PHLDB2: variants seen among roughly 807,000 people sequenced by gnomAD.
PHLDB2 encodes the protein pleckstrin homology like domain family B member 2, also known as pleckstrin homology-like domain family B member 2.
PHLDB2 carries 71 observed loss-of-function variants against 123.6 expected under a neutral mutation model. The ratio of observed to expected loss-of-function variants is 0.57; its 90% CI spans 0.47 to 0.70. The LOEUF (loss-of-function observed/expected upper bound fraction) is 0.70, where lower values mean the gene tolerates loss of function less well. PHLDB2 is among the 30% of genes least tolerant of loss of function. PHLDB2 has a pLI of 0.00. For missense variants in PHLDB2, 1,446 were observed against 1,519.5 expected (o/e 0.95, Z 0.80); for synonymous variants, 547 against 541.6 (o/e 1.01, Z -0.14).
rs576103935 is a variant in PHLDB2 at position 111,742,833 on chromosome 3, A to T, written c.-49+10130A>T. On this transcript the variant is annotated intron_variant, in intron 1 of 17. Coordinates refer to the PHLDB2 transcript ENST00000393923. Reference sequence around the variant, plus strand: ...AATATTTTCCATTGTTCTAACATAGATCCAATAAGAAGACATTTATAGAGT... The same window carrying T: ...AATATTTTCCATTGTTCTAACATAGTTCCAATAAGAAGACATTTATAGAGT... Among the ~76,000 whole-genome samples the T allele has an allele frequency of 2.9e-4, 44 of 152,274 alleles. No homozygotes were observed. In the East Asian group the frequency reaches 8.3e-3, roughly 29 times the overall value.
At chr3:111,779,095 G>A (rs1254980219) in intron 1 of PHLDB2, among the ~76,000 whole-genome samples, 1 of 151,996 alleles carries the variant, frequency 6.6e-6, no homozygotes, top group Non-Finnish European at 1.5e-5. Flanking sequence ...GACTCGGTAG[G>A]TCTGGAGAAA....
chr3:111,920,377 A>C lies in PHLDB2; in HGVS notation c.1959A>C (p.Lys653Asn), dbSNP rs2068428204. 4.3e-6 allele frequency: 7 copies of C among 1,613,888 alleles called. No homozygotes were observed. Among genetic ancestry groups the C allele is most frequent in the African/African-American group, 1.3e-5 (1 of 74,934 alleles). Residue 653 changes from lysine to asparagine, a missense_variant, in exon 5 of 18, where the codon AAA becomes AAC. Lys to Asn is a moderately conservative substitution (Grantham distance 94). Transcript: ENST00000431670. ...AGATTTTGGATCATCTAAACCGGAA[A>C]ATAGCTGAACTGGAAAAGAACATTG... The part of the protein sequence containing the change: ...EKEILDHLNR[K>N]IAELEKNIVG...
At chr3:111,872,535 C>T (rs1334613773) in intron 1 of PHLDB2, among the ~76,000 whole-genome samples, 1 of 152,192 alleles carries the variant, frequency 6.6e-6, no homozygotes, top group South Asian at 2.1e-4. Context: ...TGTGCAATCA[C>T]GTCCCTCCTG....
intron 13 of PHLDB2, among the ~76,000 whole-genome samples, chr3:111,963,773 A>C (rs2071572516): frequency 6.6e-6 from 1 of 152,238 alleles, no homozygotes; most frequent in African/African-American, 2.4e-5. Context: ...TTAGTACATA[A>C]GTTAAAAACA....
chr3:111,914,618 C>T (rs181015888), intron 3 of PHLDB2: 18 of 152,094 alleles, frequency 1.2e-4, no homozygotes, highest in Non-Finnish European at 2.4e-4. Flanking sequence ...ATGTTCTTCA[C>T]CCATTTTTTT....
chr3:111,751,426 A>T (rs1444100934), intron 1 of PHLDB2, among the ~76,000 whole-genome samples: 5 of 152,354 alleles, frequency 3.3e-5, no homozygotes, highest in Non-Finnish European at 5.9e-5. Context: ...TACTCATTTT[A>T]TAAAACCTCT....
At chr3:111,824,755 A>T (rs1319865188) in intron 1 of PHLDB2, among the ~76,000 whole-genome samples, 2 of 152,240 alleles carry the variant, frequency 1.3e-5, no homozygotes, top group Non-Finnish European at 2.9e-5. Flanking sequence ...GGTTTTCAAC[A>T]TGGCTTAAGC....
chr3:111,965,641 T>G (rs1226130703), intron 13 of PHLDB2, among the ~76,000 whole-genome samples: 1 of 152,190 alleles, frequency 6.6e-6, no homozygotes, highest in Non-Finnish European at 1.5e-5. Flanking sequence ...AGTCTGTCTG[T>G]ATGTCCTCAA....
upstream of PHLDB2, among the ~76,000 whole-genome samples, chr3:111,854,670 A>G (rs1346257352): frequency 6.6e-6 from 1 of 152,262 alleles, no homozygotes; most frequent in Non-Finnish European, 1.5e-5. Context: ...AATAATTCAT[A>G]ATATCACTGT....
chr3:111,885,299 GC>G lies in PHLDB2; in HGVS notation c.1225del (p.Leu409PhefsTer17). Reference protein sequence around the residue: ...LRQASGTPQPALRERKSSISS... With the variant: ...LRQASGTPQPXLRERKSSISS... ...ACAGGCCTCAGGAACCCCCCAGCCT[GC>G]CCTTCGGGAACGGAAAAGCAGTATT... is the stretch of plus-strand genomic sequence containing the variant. On this transcript the variant is annotated frameshift_variant, in exon 2 of 18. Transcript: ENST00000431670. LOFTEE classifies it high-confidence loss of function. 6.2e-7 allele frequency: 1 copy of G among 1,614,184 alleles called. No individual in the cohort carries two copies. Among genetic ancestry groups the G allele is most frequent in the Non-Finnish European group, 8.5e-7 (1 of 1,180,034 alleles).
At chr3:111,780,275 AAG>A (rs1559826962) in intron 1 of PHLDB2, among the ~76,000 whole-genome samples, 68 of 3,124 alleles carry the variant, frequency 0.022, 9 homozygotes, top group African/African-American at 0.036. Flanking sequence ...AGAAGAAAAG[AAG>A]AAGAAGAAGA....
At chr3:111,974,305 A>G in intron 17 of PHLDB2, 118 bp from the exon 18 acceptor site, 1 of 990,514 alleles carries the variant, frequency 1.0e-6, no homozygotes, top group South Asian at 2.0e-5. Flanking sequence ...GAGCAAAAGT[A>G]ACGCCTTTGT....
chr3:111,735,818 C>T (rs779559978), intron 1 of PHLDB2, among the ~76,000 whole-genome samples: 1 of 152,106 alleles, frequency 6.6e-6, no homozygotes, highest in Non-Finnish European at 1.5e-5. Flanking sequence ...ATTTTCATAA[C>T]AAACCTCTGC....
rs1317632345 is a variant in PHLDB2, at chr3:111,921,845, G to A, written c.2001+1426G>A. Among the ~76,000 whole-genome samples, 13 of 152,230 alleles carry A rather than the reference G, an allele frequency of 8.5e-5. No homozygotes were observed. The East Asian group carries it at 1.5e-3, about 18-fold the overall frequency. On this transcript the variant is annotated intron_variant, in intron 5 of 17. Transcript: ENST00000431670. ...TCTCGATCTCCTGACCTCGTGATCC[G>A]CCCACCTCAGCCTCCCAAAGTGCTG...
chr3:111,824,839 T>C (rs557759540), intron 1 of PHLDB2, among the ~76,000 whole-genome samples: 1 of 152,318 alleles, frequency 6.6e-6, no homozygotes, highest in South Asian at 2.1e-4. Context: ...GTATGTACTC[T>C]GTGGAAAAGC....
At chr3:111,764,277 C>T (rs2060041908) in intron 1 of PHLDB2, among the ~76,000 whole-genome samples, 1 of 152,196 alleles carries the variant, frequency 6.6e-6, no homozygotes, top group Admixed American at 6.5e-5. Context: ...GTCACATGAA[C>T]AAAGAAATCC....
At chr3:111,758,381 A>G (rs1269300870) in intron 1 of PHLDB2, among the ~76,000 whole-genome samples, 1 of 151,916 alleles carries the variant, frequency 6.6e-6, no homozygotes, top group Non-Finnish European at 1.5e-5. Context: ...AATCAGCAAG[A>G]CTCTGTGGGC....
chr3:111,749,055 A>G (rs933269869), intron 1 of PHLDB2, among the ~76,000 whole-genome samples: 4 of 151,694 alleles, frequency 2.6e-5, no homozygotes, highest in African/African-American at 9.7e-5. Context: ...ATTACCTATG[A>G]GCCTTTTTCA....
intron 1 of PHLDB2, among the ~76,000 whole-genome samples, chr3:111,840,420 A>G (rs1228653461): frequency 6.6e-6 from 1 of 152,164 alleles, no homozygotes; most frequent in Non-Finnish European, 1.5e-5. Flanking sequence ...CTACCTGGTC[A>G]TGGTATATTT....
Sources: allele counts gnomAD v4.1 joint callset (sites outside exome capture counted in the v4.1 genomes callset), GRCh38; gene constraint gnomAD v4.1.1; transcripts MANE v1.5; gene names NCBI Gene and HGNC (gene_info 2026-07-23, HGNC 2026-07-21).